The following RUFY4 variants were observed in gnomAD, a reference collection of about 807,000 sequenced individuals.
RUFY4 encodes the protein RUN and FYVE domain-containing protein 4.
A neutral mutation model predicts 69.0 loss-of-function variants in RUFY4; 73 were observed. The ratio of observed to expected loss-of-function variants is 1.06; its 90% CI spans 0.88 to 1.29. The LOEUF (loss-of-function observed/expected upper bound fraction) is 1.29. Ranked by LOEUF, RUFY4 falls within the 50% of genes most tolerant of loss-of-function variation. The pLI is 0.00. For synonymous variants in RUFY4, 287 were observed against 271.8 expected, an observed-to-expected ratio of 1.06 and a Z score of -0.55; for missense variants, 770 against 705.6, an observed-to-expected ratio of 1.09 and a Z score of -1.03.
chr2:218,064,025 G>A (rs1470319033), intron 3 of RUFY4, among the ~76,000 whole-genome samples: 1 of 152,098 alleles, frequency 6.6e-6, no homozygotes, highest in Non-Finnish European at 1.5e-5. Flanking sequence ...CCAGAAGTTG[G>A]TCACAAAACA....
chr2:218,075,331 G>A, exon 7 of RUFY4: 2 of 1,610,934 alleles, frequency 1.2e-6, no homozygotes, highest in Non-Finnish European at 8.5e-7. Context: ...CAGGAGGAAA[G>A]AGCCCCATGG....
At chr2:218,049,021 A>G (rs1273430427) in intron 2 of RUFY4, among the ~76,000 whole-genome samples, 1 of 152,202 alleles carries the variant, frequency 6.6e-6, no homozygotes, top group Non-Finnish European at 1.5e-5. Flanking sequence ...GCATATTTTC[A>G]TGTAATCTTG....
intron 2 of RUFY4, among the ~76,000 whole-genome samples, chr2:218,037,942 C>A (rs1245169450): frequency 6.7e-6 from 1 of 150,100 alleles, no homozygotes; most frequent in Non-Finnish European, 1.5e-5. Context: ...AAGAAAAAAA[C>A]AGTTTCCTAA....
chr2:218,076,056 T>A (rs1221826302), intron 7 of RUFY4, among the ~76,000 whole-genome samples: 3 of 152,154 alleles, frequency 2.0e-5, no homozygotes, highest in African/African-American at 7.2e-5. Flanking sequence ...CAGTTCCATA[T>A]CCTCATGATG....
chr2:218,078,165 G>T (rs992560230), intron 8 of RUFY4, among the ~76,000 whole-genome samples: 2 of 152,200 alleles, frequency 1.3e-5, no homozygotes, highest in Admixed American at 1.3e-4. Flanking sequence ...AAAGTGATTA[G>T]CAAGTAAAGT....
At chr2:218,078,580 TGAGAGCTCA>T (rs1436933594) in intron 8 of RUFY4, among the ~76,000 whole-genome samples, 3 of 152,216 alleles carry the variant, frequency 2.0e-5, no homozygotes, top group Non-Finnish European at 4.4e-5. Flanking sequence ...TGGGAGCCAC[TGAGAGCTCA>T]GAGTAGGAGA....
Position 218,072,325 on chromosome 2 carries a change from T to C in RUFY4, c.154-49T>C. 3 of 1,530,972 alleles carry C rather than the reference T, an allele frequency of 2.0e-6. No individual in the cohort carries two copies. The East Asian group carries it at 7.3e-5, about 37-fold the overall frequency. The allele number at this position is 1,530,972 out of a possible 1,614,324, so 94.8% of individuals were successfully genotyped here. A position where few individuals can be genotyped will look rare whatever the true frequency, so the allele number is the denominator to read the frequency against. On this transcript the variant is annotated intron_variant, in intron 2 of 10. Coordinates refer to ENST00000344321, the Ensembl canonical transcript of RUFY4. ...TCAGCAAGCTAGAATGCAGGGCGTG[T>C]TCTGGGAGGAAGCATTTCTACACTT...
chr2:218,075,196 G>C (rs777033762), exon 7 of RUFY4: 2 of 1,558,268 alleles, frequency 1.3e-6, no homozygotes, highest in Non-Finnish European at 1.7e-6. Flanking sequence ...CAGCTGGCAG[G>C]GCTTCCCAGG....
chr2:218,060,994 C>T (rs1178582558), intron 3 of RUFY4: 1 of 776,938 alleles, frequency 1.3e-6, no homozygotes, highest in African/African-American at 1.7e-5. Flanking sequence ...AGGTAACAGT[C>T]CATGCTGCGG....
chr2:218,052,746 A>T (rs12475763), intron 2 of RUFY4, among the ~76,000 whole-genome samples: 41,455 of 127,836 alleles, frequency 0.32, 6,029 homozygotes, highest in East Asian at 0.41. Flanking sequence ...TTTTTTTTTT[A>T]AAAAAAAAAG....
At chr2:218,068,768 G>T (rs1303549205), upstream of RUFY4, 1 of 152,366 alleles carries the variant, frequency 6.6e-6, no homozygotes, top group African/African-American at 2.4e-5. Flanking sequence ...TTGGGAATGA[G>T]ATCAGGACTA....
At chr2:218,040,403 G>A (rs977230554) in intron 2 of RUFY4, among the ~76,000 whole-genome samples, 13 of 152,156 alleles carry the variant, frequency 8.5e-5, no homozygotes, top group African/African-American at 2.7e-4. Context: ...TGGCTCCTAC[G>A]GTTGGACACA....
At chr2:218,041,896 A>G (rs1688705505) in intron 2 of RUFY4, among the ~76,000 whole-genome samples, 1 of 152,250 alleles carries the variant, frequency 6.6e-6, no homozygotes, top group Non-Finnish European at 1.5e-5. Flanking sequence ...AGCTAAGAGT[A>G]TGAGCAAGCA....
rs928379067 is a variant in RUFY4 at position 218,063,730 on chromosome 2, G to A, written c.-1070-4865G>A. Among the ~76,000 whole-genome samples the A allele has an allele frequency of 3.9e-5, 6 of 152,172 alleles. No homozygotes were observed. The South Asian group carries it at 1.2e-3, about 32-fold the overall frequency. On this transcript the variant is annotated intron_variant and NMD_transcript_variant, in intron 3 of 13. Transcript: ENST00000457754. ...GGTGTGAGCGAGGGGCACAGTGTGA[G>A]GGCAGAGCATCAGGCTCTCGGTTCC... is the stretch of plus-strand genomic sequence containing the variant.
intron 3 of RUFY4, chr2:218,060,762 A>T: frequency 6.5e-7 from 1 of 1,546,204 alleles, no homozygotes. Context: ...CGGCACGATG[A>T]AGCCAAAGGA....
intron 5 of RUFY4, 58 bp downstream of exon 7, chr2:218,073,444 A>G: frequency 1.9e-6 from 3 of 1,553,980 alleles, no homozygotes; most frequent in Non-Finnish European, 2.6e-6. Context: ...ATGGCCACCA[A>G]GGGTCCCAGG....
At chr2:218,046,333 G>A (rs1415026139) in intron 2 of RUFY4, among the ~76,000 whole-genome samples, 1 of 152,012 alleles carries the variant, frequency 6.6e-6, no homozygotes, top group Non-Finnish European at 1.5e-5. Flanking sequence ...TAGGGAGAGT[G>A]TAGTCTCTCA....
upstream of RUFY4, among the ~76,000 whole-genome samples, chr2:218,070,087 G>C (rs549002798): frequency 1.0e-3 from 158 of 152,256 alleles, 2 homozygotes; most frequent in Non-Finnish European, 1.8e-3. Context: ...GAGTACCCAG[G>C]CAAGGCTAGG....
chr2:218,090,136 C>A, exon 11 of RUFY4: 1 of 806,046 alleles, frequency 1.2e-6, no homozygotes, highest in Non-Finnish European at 2.0e-6. Context: ...TAGCTCTTCC[C>A]AGCCCTCTTG....
Sources: allele counts gnomAD v4.1 joint callset (sites outside exome capture counted in the v4.1 genomes callset), GRCh38; gene constraint gnomAD v4.1.1; transcripts MANE v1.5; gene names NCBI Gene and HGNC (gene_info 2026-07-23, HGNC 2026-07-21).